The following FADS6 variants were observed in gnomAD, a reference collection of about 807,000 sequenced individuals.
The protein encoded by FADS6 is fatty acid desaturase domain family, member 6.
FADS6 carries 28 observed loss-of-function variants against 31.7 expected under a neutral mutation model. That is an observed-to-expected ratio of 0.88 (90% CI 0.66 to 1.21). The LOEUF (loss-of-function observed/expected upper bound fraction) is 1.21, where lower values mean the gene tolerates loss of function less well. Among genes scored for constraint, FADS6 ranks in the 50% most tolerant of loss-of-function variants. The pLI, the probability that FADS6 is intolerant of heterozygous loss-of-function variation, is 0.00. For synonymous variants in FADS6, 191 were observed against 213.1 expected, an observed-to-expected ratio of 0.90 and a Z score of 0.90; for missense variants, 494 against 504.2, an observed-to-expected ratio of 0.98 and a Z score of 0.19.
At position 74,893,432 on chromosome 17, in the gene FADS6, A is replaced by G; in HGVS notation, c.164T>C (p.Val55Ala). The G allele has an allele frequency of 6.3e-7, 1 of 1,578,296 alleles. No homozygotes were observed. The highest frequency in any genetic ancestry group is 8.6e-7 in the Non-Finnish European group (1 of 1,164,212). Residue 55 changes from valine to alanine, a missense_variant, in exon 1 of 6, where the codon GTG becomes GCG. Physicochemically the swap from Val to Ala is moderately conservative, Grantham distance 64. This residue lies in a region of FADS6 where 454 missense variants were observed against 438.5 expected (regional missense o/e 1.04). Transcript: ENST00000612771. ...LRELEVLVQD[V>A]VRTSSWWERH... ...CTCCCACCAGGAGCTCGTCCTCACC[A>G]CGTCCTGCACCAGCACCTCCAGCTC...
chr17:74,892,614 G>A lies in FADS6; in HGVS notation c.320C>T (p.Thr107Ile). 3 of 1,613,410 alleles carry A rather than the reference G, an allele frequency of 1.9e-6. No individual in the cohort carries two copies. The highest frequency in any genetic ancestry group is 2.2e-5 in the East Asian group (1 of 44,872). Residue 107 changes from threonine to isoleucine, a missense_variant, in exon 2 of 6, where the codon ACA becomes ATA. Transcript: ENST00000612771. The stretch of plus-strand genomic sequence containing the variant: ...CAGGTGGCTGCCCTTGACAGTGAGT[G>A]TGTAGTGGCACACACCCAAGATGGT... ...GITILGVCHY[T>I]LTVKGSHLAT... is the part of the protein sequence containing the mutation.
chr17:74,888,142 ACAC>A (rs1288389891), intron 2 of FADS6, among the ~76,000 whole-genome samples: 2 of 109,752 alleles, frequency 1.8e-5, no homozygotes, highest in African/African-American at 8.8e-5. Context: ...ACACACACAC[ACAC>A]ACACACACAC....
At position 74,881,208 on chromosome 17, in the gene FADS6, G is replaced by A. The variant is rs1450958385; in HGVS notation, c.640C>T (p.Leu214=). 2 of 1,610,294 alleles carry A rather than the reference G, an allele frequency of 1.2e-6. No homozygotes were observed. Among genetic ancestry groups the A allele is most frequent in the Non-Finnish European group, 1.7e-6 (2 of 1,178,292 alleles). The part of the protein sequence containing the change: ...ELGTALRTLA[L]ISLGLYSHYW... ...TGAGAATAAAGGCCCAGAGAAATCA[G>A]GGCCAGCGTCCGCAGGGCTGTCCCG... The change falls in exon 4 of 6, where the codon CTG becomes TTG. Residue 214 remains leucine (L), a synonymous_variant. Coordinates refer to ENST00000612771, the MANE Select transcript of FADS6 (RefSeq NM_178128.6).
chr17:74,892,037 G>A (rs972374224), intron 2 of FADS6, among the ~76,000 whole-genome samples: 5 of 152,214 alleles, frequency 3.3e-5, no homozygotes, highest in African/African-American at 1.2e-4. Context: ...GAACTGGGAA[G>A]GGGTGGAAGA....
chr17:74,878,053 G>A lies in FADS6; in HGVS notation c.*278C>T. 8.1e-7 allele frequency: 1 copy of A among 1,227,154 alleles called. No homozygotes were observed. Among genetic ancestry groups the A allele is most frequent in the South Asian group, 2.3e-5 (1 of 42,926 alleles). 76.0% of individuals were successfully genotyped at this position (1,227,154 alleles called of 1,614,324 possible). Reference sequence around the variant, plus strand: ...CAGATGGAGCAGGGGGAAGGACCCAGCTCTTTAGTCCTGAGATGAAGTTGC... The same window carrying A: ...CAGATGGAGCAGGGGGAAGGACCCAACTCTTTAGTCCTGAGATGAAGTTGC... On this transcript the variant is annotated 3_prime_UTR_variant, in exon 6 of 6. Coordinates refer to ENST00000612771, the MANE Select transcript of FADS6 (RefSeq NM_178128.6).
At chr17:74,886,950 G>C (rs770286972) in intron 2 of FADS6, among the ~76,000 whole-genome samples, 7 of 151,960 alleles carry the variant, frequency 4.6e-5, no homozygotes, top group Non-Finnish European at 8.8e-5. Context: ...TTTGGGACTC[G>C]GGCACTTTTT....
chr17:74,889,467 G>A (rs1191434772), intron 2 of FADS6, among the ~76,000 whole-genome samples: 1 of 151,614 alleles, frequency 6.6e-6, no homozygotes, highest in Non-Finnish European at 1.5e-5. Context: ...CCCTGCAGAG[G>A]CCCAGATGAC....
rs1035306306 is a variant in FADS6, at chr17:74,886,905, C to T, written c.412-4195G>A. Among the ~76,000 whole-genome samples the T allele has an allele frequency of 1.4e-3, 219 of 152,150 alleles. 3 individuals carry two copies. The highest frequency in any genetic ancestry group is 5.4e-4 in the Non-Finnish European group (37 of 67,998). ...TCCTGATAGCATCTCCCCTGGAAAC[C>T]GTCCCTGGAGTTTCTCAGCCCTGCA... is the stretch of plus-strand genomic sequence containing the variant. On this transcript the variant is annotated intron_variant, in intron 2 of 5. Coordinates refer to ENST00000612771, the MANE Select transcript of FADS6 (RefSeq NM_178128.6).
chr17:74,882,172 G>A (rs2038577260), intron 3 of FADS6, among the ~76,000 whole-genome samples: 1 of 152,136 alleles, frequency 6.6e-6, no homozygotes, highest in Non-Finnish European at 1.5e-5. Context: ...CTAAGCTCAA[G>A]CAATCCACCT....
chr17:74,884,907 C>T (rs967859969), intron 2 of FADS6, among the ~76,000 whole-genome samples: 2 of 152,106 alleles, frequency 1.3e-5, no homozygotes, highest in Non-Finnish European at 2.9e-5. Context: ...CGGAGTTTCG[C>T]CACGTTGGCC....
At chr17:74,893,239 A>G in intron 1 of FADS6, 113 bp downstream of exon 1, 4 of 1,224,500 alleles carry the variant, frequency 3.3e-6, no homozygotes, top group Non-Finnish European at 3.2e-6. Flanking sequence ...CCGCCAGTCC[A>G]CTCCGCAGGC....
chr17:74,882,947 G>C, intron 2 of FADS6: 1 of 1,138,072 alleles, frequency 8.8e-7, no homozygotes, highest in Non-Finnish European at 1.2e-6. Context: ...CAAAGCATTT[G>C]GGGGTGGGAG....
Position 74,881,242 on chromosome 17 carries a change from C to T in FADS6, c.606G>A (p.Lys202=). ...TPLVAVERLR[K]VELGTALRTL... is the part of the protein sequence containing the mutation. ...TCCGCAGGGCTGTCCCGAGCTCCAC[C>T]TTCCTCAGCCGCTCTGCCATAGAGG... The change falls in exon 4 of 6, where the codon AAG becomes AAA. Residue 202 remains lysine (K), a synonymous_variant. Transcript: ENST00000612771. 1 of 1,596,538 alleles carries T rather than the reference C, an allele frequency of 6.3e-7. No homozygotes were observed.
rs2038523236 is a variant in FADS6, at chr17:74,877,910, G to C, written c.*421C>G. ...GCCGTGTGGGGCTCTCCCAATGCCA[G>C]GGAGGTCCCAGCCGAGGGAGCTGAC... On this transcript the variant is annotated 3_prime_UTR_variant, in exon 6 of 6. Coordinates refer to ENST00000612771, the MANE Select transcript of FADS6 (RefSeq NM_178128.6). 1.6e-5 allele frequency: 16 copies of C among 991,576 alleles called. No individual in the cohort carries two copies. The highest frequency in any genetic ancestry group is 1.9e-5 in the Non-Finnish European group (16 of 834,382). The allele number at this position is 991,576 out of a possible 1,614,324, so 61.4% of individuals were successfully genotyped here. A position where few individuals can be genotyped will look rare whatever the true frequency, so the allele number is the denominator to read the frequency against.
At chr17:74,886,199 AC>A (rs1458495733) in intron 2 of FADS6, among the ~76,000 whole-genome samples, 2 of 149,290 alleles carry the variant, frequency 1.3e-5, no homozygotes, top group Non-Finnish European at 3.0e-5. Context: ...AGATCCCGCC[AC>A]TGCACTCCAG....
At chr17:74,883,659 A>G (rs1481348797) in intron 2 of FADS6, among the ~76,000 whole-genome samples, 4 of 151,976 alleles carry the variant, frequency 2.6e-5, no homozygotes, top group Non-Finnish European at 4.4e-5. Flanking sequence ...AAGATTATTT[A>G]TTTTATTTTT....
chr17:74,892,660 G>C lies in FADS6; in HGVS notation c.274C>G (p.Leu92Val). ...GFLCLRWENA[L>V]VFASGITILG... is the part of the protein sequence containing the mutation. ...ATGGTGATGCCGGATGCAAAGACCA[G>C]GGCATTCTCCCAGCGCAGGCACAGG... The change falls in exon 2 of 6, where the codon CTG becomes GTG. Residue 92 changes from leucine to valine, a missense_variant. Leu to Val is a conservative substitution (Grantham distance 32, BLOSUM62 1). Around this residue, in one of 2 missense-constraint regions of FADS6, gnomAD observed 454 missense variants for 438.5 expected, o/e 1.04. Transcript: ENST00000612771. 2 of 1,613,092 alleles carry C rather than the reference G, an allele frequency of 1.2e-6. No homozygotes were observed. Among genetic ancestry groups the C allele is most frequent in the Middle Eastern group, 1.7e-4 (1 of 6,060 alleles).
At position 74,893,357 on chromosome 17, in the gene FADS6, G is replaced by A; in HGVS notation, c.239C>T (p.Pro80Leu). The change falls in exon 1 of 6, where the codon CCG (proline) becomes CTG (leucine). Residue 80 changes from proline (P) to leucine (L), a missense_variant. This residue lies in a region of FADS6 where 454 missense variants were observed against 438.5 expected (regional missense o/e 1.04). Transcript: ENST00000612771. ...AILALSLFAL[P>L]AGFLCLRWEN... The stretch of plus-strand genomic sequence containing the variant: ...CGGGTCCCCGCGTTCCTCACCTGCC[G>A]GCAAGGCGAAGAGGCTGAGCGCGAG... 4.6e-6 allele frequency: 7 copies of A among 1,518,178 alleles called. No homozygotes were observed. Among genetic ancestry groups the A allele is most frequent in the Non-Finnish European group, 6.2e-6 (7 of 1,137,772 alleles). 94.0% of individuals were successfully genotyped at this position (1,518,178 alleles called of 1,614,324 possible). A position where few individuals can be genotyped will look rare whatever the true frequency, so the allele number is the denominator to read the frequency against.
Position 74,878,226 on chromosome 17 carries a change from C to A in FADS6, c.*105G>T. The A allele has an allele frequency of 1.4e-6, 2 of 1,468,336 alleles. No homozygotes were observed. The allele number at this position is 1,468,336 out of a possible 1,614,324, so 91.0% of individuals were successfully genotyped here. A position where few individuals can be genotyped will look rare whatever the true frequency, so the allele number is the denominator to read the frequency against. Reference sequence around the variant, plus strand: ...CCTGCCTGGCCGGTGCCTCCACTCTCCAGGTCCACCACCAGCCACTGAGCC... The same window carrying A: ...CCTGCCTGGCCGGTGCCTCCACTCTACAGGTCCACCACCAGCCACTGAGCC... On this transcript the variant is annotated 3_prime_UTR_variant, in exon 6 of 6. Coordinates refer to ENST00000612771, the MANE Select transcript of FADS6 (RefSeq NM_178128.6).
Sources: allele counts gnomAD v4.1 joint callset (sites outside exome capture counted in the v4.1 genomes callset), GRCh38; gene constraint gnomAD v4.1.1; regional missense constraint gnomAD v4.1.1; transcripts MANE v1.5; gene names NCBI Gene and HGNC (gene_info 2026-07-23, HGNC 2026-07-21).